Variants in RYR3 observed in about 807,000 individuals in gnomAD.
The protein encoded by RYR3 is ryanodine receptor 3, also known as brain ryanodine receptor-calcium release channel.
In RYR3, 207 loss-of-function variants were observed where a neutral mutation model predicts 584.3. The ratio of observed to expected loss-of-function variants is 0.35; its 90% CI spans 0.32 to 0.40. The LOEUF is 0.40. RYR3 is among the 10% of genes least tolerant of loss of function. RYR3 has a pLI of 1.00. For missense variants in RYR3, 5,616 were observed against 6,089.2 expected (o/e 0.92, Z 2.59); for synonymous variants, 2,416 against 2,248.5 (o/e 1.07, Z -2.11).
At chr15:33,837,031 G>C in intron 88 of RYR3, 44 bp downstream of exon 88, 2 of 1,443,884 alleles carry the variant, frequency 1.4e-6, no homozygotes, top group Non-Finnish European at 1.9e-6. Context: ...AACTGTAATT[G>C]GTCTGAGCAC....
chr15:33,363,471 T>C (rs181456412), intron 1 of RYR3, among the ~76,000 whole-genome samples: 2 of 152,336 alleles, frequency 1.3e-5, no homozygotes, highest in East Asian at 3.9e-4. Context: ...TTCTAACTAG[T>C]GGCATGGAAG....
chr15:33,508,906 T>A (rs139762005), intron 3 of RYR3, among the ~76,000 whole-genome samples: 4 of 152,298 alleles, frequency 2.6e-5, no homozygotes, highest in Non-Finnish European at 5.9e-5. Context: ...TGTTACTGCT[T>A]CTTGAAGATG....
At chr15:33,624,449 TTTAAAAAGCTTAAATGGGGAGGGAGGG>T (rs1328868405) in intron 20 of RYR3, among the ~76,000 whole-genome samples, 1 of 152,314 alleles carries the variant, frequency 6.6e-6, no homozygotes, top group African/African-American at 2.4e-5. Context: ...AGTTAGAGCC[TTTAAAAAGCTTAAATGGGGAGGGAGGG>T]TCTCCAGGGG....
intron 1 of RYR3, among the ~76,000 whole-genome samples, chr15:33,443,656 T>C (rs774990916): frequency 6.6e-6 from 1 of 152,164 alleles, no homozygotes; most frequent in Non-Finnish European, 1.5e-5. Flanking sequence ...AGGTCTTTTA[T>C]TGTTTTACAA....
intron 64 of RYR3, among the ~76,000 whole-genome samples, chr15:33,777,146 G>A (rs961545152): frequency 2.0e-5 from 3 of 152,256 alleles, no homozygotes; most frequent in African/African-American, 7.2e-5. Context: ...TGTGATAGCA[G>A]CACTGCACTC....
At chr15:33,734,627 A>G (rs2069253150) in intron 48 of RYR3, among the ~76,000 whole-genome samples, 2 of 151,908 alleles carry the variant, frequency 1.3e-5, no homozygotes, top group South Asian at 4.2e-4. Context: ...CATTGGTGAG[A>G]CTGATTTGAG....
chr15:33,585,213 G>A (rs1285715412), intron 15 of RYR3, among the ~76,000 whole-genome samples: 4 of 152,140 alleles, frequency 2.6e-5, no homozygotes, highest in Admixed American at 6.5e-5. Context: ...ACCTACACAC[G>A]TCTTCCTAAG....
Position 33,782,481 on chromosome 15 carries a change from C to T in RYR3, c.9268+2140C>T, listed in dbSNP as rs374705104. On this transcript the variant is annotated intron_variant, in intron 65 of 103. Transcript: ENST00000634891. ...CTATGGGACTCTATGTCCAGCTCCC[C>T]TGAGCCCATGTCTTTCATCACTGGC... Among the ~76,000 whole-genome samples, 9 of 152,328 alleles carry T rather than the reference C, an allele frequency of 5.9e-5. No homozygotes were observed. The South Asian group carries it at 1.9e-3, about 32-fold the overall frequency.
At chr15:33,731,818 C>T (rs981146609) in intron 48 of RYR3, 124 bp downstream of exon 48, 1 of 686,978 alleles carries the variant, frequency 1.5e-6, no homozygotes, top group Non-Finnish European at 2.6e-6. Context: ...TACACCAGCC[C>T]TCCCCCAGAC....
intron 37 of RYR3, 82 bp downstream of exon 37, chr15:33,669,538 G>C: frequency 8.5e-7 from 1 of 1,182,658 alleles, no homozygotes; most frequent in Admixed American, 1.9e-5. Flanking sequence ...GCTAGTGGGA[G>C]GTTGGGAAGT....
chr15:33,753,345 A>C (rs1268722526), intron 57 of RYR3, among the ~76,000 whole-genome samples: 2 of 152,236 alleles, frequency 1.3e-5, no homozygotes, highest in African/African-American at 4.8e-5. Flanking sequence ...TCTACTGGAG[A>C]GATTGAATGC....
At chr15:33,853,779 A>G in intron 96 of RYR3, 97 bp downstream of exon 96, 1 of 1,486,592 alleles carries the variant, frequency 6.7e-7, no homozygotes, top group East Asian at 2.3e-5. Flanking sequence ...TTGTTCTCTC[A>G]GGCTGTGGTC....
In RYR3 at chr15:33,603,323, A is replaced by C; in HGVS notation, c.2123A>C (p.Asp708Ala). The C allele has an allele frequency of 6.2e-7, 1 of 1,611,752 alleles. No individual in the cohort carries two copies. The highest frequency in any genetic ancestry group is 8.5e-7 in the Non-Finnish European group (1 of 1,178,578). Reference protein sequence around the residue: ...EGWGGNGVGDDLYSYGFDGLH... With the variant: ...EGWGGNGVGDALYSYGFDGLH... ...TGGGGAGGCAATGGTGTTGGTGACGACCTGTACTCCTATGGCTTTGATGGA... is the reference window on the plus strand; with the variant it reads ...TGGGGAGGCAATGGTGTTGGTGACGCCCTGTACTCCTATGGCTTTGATGGA... Residue 708 changes from aspartate (D) to alanine (A), a missense_variant, in exon 18 of 104, where the codon GAC (aspartate) becomes GCC (alanine). Asp to Ala is a moderately radical substitution (Grantham distance 126). Coordinates refer to ENST00000634891, the MANE Select transcript of RYR3 (RefSeq NM_001036.6).
At chr15:33,392,369 G>A (rs772357711) in intron 1 of RYR3, among the ~76,000 whole-genome samples, 8 of 151,250 alleles carry the variant, frequency 5.3e-5, no homozygotes, top group African/African-American at 2.4e-5. Flanking sequence ...AGCACAAGTC[G>A]TTTATTTGGA....
At chr15:33,505,213 T>C (rs2052365332) in intron 3 of RYR3, among the ~76,000 whole-genome samples, 1 of 152,356 alleles carries the variant, frequency 6.6e-6, no homozygotes, top group South Asian at 2.1e-4. Context: ...GCCCTTAATG[T>C]GATCTTGGGT....
chr15:33,702,903 AT>A (rs2066410247), intron 42 of RYR3, among the ~76,000 whole-genome samples: 3 of 151,984 alleles, frequency 2.0e-5, no homozygotes, highest in Admixed American at 2.0e-4. Flanking sequence ...ATAAATACAC[AT>A]TTTTTTCTTC....
At chr15:33,636,759 C>G (rs183348124) in intron 27 of RYR3, among the ~76,000 whole-genome samples, 19 of 152,334 alleles carry the variant, frequency 1.2e-4, no homozygotes, top group Non-Finnish European at 2.4e-4. Flanking sequence ...CATACATACA[C>G]ATTCTGAACT....
intron 1 of RYR3, among the ~76,000 whole-genome samples, chr15:33,364,672 G>A (rs917322809): frequency 1.3e-5 from 2 of 152,176 alleles, no homozygotes; most frequent in African/African-American, 4.8e-5. Context: ...GAAGTGACAA[G>A]GTAGACAGAA....
chr15:33,497,790 C>A (rs1045357340), intron 2 of RYR3, among the ~76,000 whole-genome samples: 4 of 152,074 alleles, frequency 2.6e-5, no homozygotes, highest in South Asian at 4.2e-4. Context: ...CCATAGTCAC[C>A]CTAAGTGCTA....
Sources: allele counts gnomAD v4.1 joint callset (sites outside exome capture counted in the v4.1 genomes callset), GRCh38; gene constraint gnomAD v4.1.1; transcripts MANE v1.5; gene names NCBI Gene and HGNC (gene_info 2026-07-23, HGNC 2026-07-21).